The following KCNK2 variants were observed in gnomAD, a reference collection of about 807,000 sequenced individuals.
KCNK2 encodes potassium channel subfamily K member 2.
KCNK2 carries 21 observed loss-of-function variants against 40.5 expected under a neutral mutation model. That is an observed-to-expected ratio of 0.52 (90% CI 0.37 to 0.75). KCNK2 has a LOEUF of 0.75. Among genes scored for constraint, KCNK2 ranks in the 30% least tolerant of loss-of-function variants. The probability of loss-of-function intolerance (pLI) is 0.00; values close to 1 mark genes in which losing one functional copy is unlikely to be tolerated. For missense variants in KCNK2, 399 were observed against 531.6 expected (o/e 0.75, Z 2.45); for synonymous variants, 191 against 202.2 (o/e 0.94, Z 0.47).
chr1:215,172,203 C>G lies in KCNK2; in HGVS notation c.823+20C>G. Reference sequence around the variant, plus strand: ...TTGCAGGTAAGCTTTTCCTGGCATCCATGTTACTCTTCTAACAGGGGTTTA... The same window carrying G: ...TTGCAGGTAAGCTTTTCCTGGCATCGATGTTACTCTTCTAACAGGGGTTTA... On this transcript the variant is annotated intron_variant, in intron 5 of 6. Transcript: ENST00000444842. The G allele has an allele frequency of 6.3e-7, 1 of 1,596,964 alleles. No homozygotes were observed. The highest frequency in any genetic ancestry group is 8.6e-7 in the Non-Finnish European group (1 of 1,168,240).
intron 1 of KCNK2, among the ~76,000 whole-genome samples, chr1:215,047,530 A>T (rs1657818625): frequency 6.6e-6 from 1 of 152,088 alleles, no homozygotes; most frequent in Non-Finnish European, 1.5e-5. Context: ...AATCTTAATC[A>T]TAACTTCATG....
At chr1:215,039,070 T>C (rs1490768677) in intron 1 of KCNK2, among the ~76,000 whole-genome samples, 1 of 152,108 alleles carries the variant, frequency 6.6e-6, no homozygotes, top group African/African-American at 2.4e-5. Flanking sequence ...CTACTATTTG[T>C]ACCTGAAAGA....
At chr1:215,044,878 T>G (rs1446362440) in intron 1 of KCNK2, among the ~76,000 whole-genome samples, 1 of 151,136 alleles carries the variant, frequency 6.6e-6, no homozygotes, top group Non-Finnish European at 1.5e-5. Flanking sequence ...CTTAAAAGAT[T>G]AACAGAGTTA....
intron 6 of KCNK2, 66 bp downstream of exon 6, chr1:215,195,158 T>C (rs1056233371): frequency 3.3e-6 from 4 of 1,224,578 alleles, no homozygotes; most frequent in Admixed American, 2.5e-5. Context: ...TTTTAAATTA[T>C]TTTTATGTTT....
chr1:215,188,772 G>A (rs1303590368), intron 5 of KCNK2, among the ~76,000 whole-genome samples: 1 of 152,156 alleles, frequency 6.6e-6, no homozygotes, highest in East Asian at 1.9e-4. Context: ...ACCTGATAAA[G>A]AGTGAGATCT....
At position 215,234,879 on chromosome 1, in the gene KCNK2, G is replaced by T. The variant is rs369548068; in HGVS notation, c.1015G>T (p.Glu339Ter). The T allele has an allele frequency of 6.2e-7, 1 of 1,614,060 alleles. No individual in the cohort carries two copies. Among genetic ancestry groups the T allele is most frequent in the Non-Finnish European group, 8.5e-7 (1 of 1,179,990 alleles). The change falls in exon 7 of 7, where the codon GAA (glutamate) becomes TAA (stop). Residue 339 changes from glutamate to a stop codon, truncating the protein, a stop_gained. Coordinates refer to ENST00000444842, the MANE Select transcript of KCNK2 (RefSeq NM_001017425.3). LOFTEE classifies it high-confidence loss of function. Reference sequence around the variant, plus strand: ...TGAGTGGACAGCCAACGTCACAGCCGAATTCAAAGAAACCAGGAGGCGACT... The same window carrying T: ...TGAGTGGACAGCCAACGTCACAGCCTAATTCAAAGAAACCAGGAGGCGACT... ...AAEWTANVTA[E>*]FKETRRRLSV...
intron 3 of KCNK2, among the ~76,000 whole-genome samples, chr1:215,137,003 A>G (rs1043477250): frequency 1.3e-5 from 2 of 152,178 alleles, no homozygotes; most frequent in Non-Finnish European, 1.5e-5. Context: ...AATTTTTTCC[A>G]TGTAATATTG....
chr1:215,077,213 AAC>A (rs1434347947), intron 1 of KCNK2, among the ~76,000 whole-genome samples: 6 of 152,334 alleles, frequency 3.9e-5, no homozygotes, highest in Middle Eastern at 3.4e-3. Context: ...TCTCATATAA[AAC>A]ACAACAGGTA....
chr1:215,165,575 CTAACA>C (rs1316075371), intron 3 of KCNK2, among the ~76,000 whole-genome samples: 2 of 152,048 alleles, frequency 1.3e-5, no homozygotes, highest in Non-Finnish European at 2.9e-5. Flanking sequence ...ATTATCATAC[CTAACA>C]TATATTGAGC....
intron 6 of KCNK2, among the ~76,000 whole-genome samples, chr1:215,199,865 G>A (rs955716491): frequency 6.6e-6 from 1 of 152,118 alleles, no homozygotes; most frequent in Non-Finnish European, 1.5e-5. Flanking sequence ...CTACACACAG[G>A]CATACCTCAG....
chr1:215,159,532 T>A (rs940935671), intron 3 of KCNK2, among the ~76,000 whole-genome samples: 1 of 152,166 alleles, frequency 6.6e-6, no homozygotes, highest in Non-Finnish European at 1.5e-5. Context: ...AATAGAAAAG[T>A]ACATTTTTAA....
chr1:215,227,966 AAGTT>A (rs1666460149), intron 6 of KCNK2, among the ~76,000 whole-genome samples: 1 of 151,352 alleles, frequency 6.6e-6, no homozygotes, highest in Non-Finnish European at 1.5e-5. Flanking sequence ...TAAAAAAAAA[AAGTT>A]AAAGAAGTTA....
intron 6 of KCNK2, among the ~76,000 whole-genome samples, chr1:215,229,880 A>G (rs1483530551): frequency 6.6e-6 from 1 of 151,716 alleles, no homozygotes; most frequent in Admixed American, 6.6e-5. Context: ...CACTCCTCTA[A>G]AAGATGTTTA....
chr1:215,179,092 G>C (rs947743399), intron 5 of KCNK2, among the ~76,000 whole-genome samples: 2 of 151,856 alleles, frequency 1.3e-5, no homozygotes, highest in African/African-American at 4.8e-5. Context: ...GAGATTGTGT[G>C]TTTATGGGAA....
At chr1:215,039,995 C>T (rs1410312254) in intron 1 of KCNK2, among the ~76,000 whole-genome samples, 5 of 152,066 alleles carry the variant, frequency 3.3e-5, no homozygotes, top group African/African-American at 1.2e-4. Flanking sequence ...GAATGCCATT[C>T]TTTGGACATT....
In KCNK2 at chr1:215,141,324, G is replaced by A. The variant is rs138535305; in HGVS notation, c.475+16574G>A. Among the ~76,000 whole-genome samples, 643 of 152,116 alleles carry A rather than the reference G, an allele frequency of 4.2e-3. 1 individual carries two copies. Among genetic ancestry groups the A allele is most frequent in the South Asian group, 0.018 (88 of 4,818 alleles). Reference sequence around the variant, plus strand: ...TTTTATGTACTGTACATAATTGTACGTGCTGTACTTTTATATAATGAGAAG... The same window carrying A: ...TTTTATGTACTGTACATAATTGTACATGCTGTACTTTTATATAATGAGAAG... On this transcript the variant is annotated intron_variant, in intron 3 of 6. Coordinates refer to ENST00000444842, the MANE Select transcript of KCNK2 (RefSeq NM_001017425.3).
At chr1:215,123,178 C>G (rs1219682933) in intron 2 of KCNK2, among the ~76,000 whole-genome samples, 2 of 151,546 alleles carry the variant, frequency 1.3e-5, no homozygotes, top group Admixed American at 6.6e-5. Flanking sequence ...AATTTTAGAA[C>G]AACATATATA....
chr1:215,061,365 G>A (rs1006250991), intron 1 of KCNK2, among the ~76,000 whole-genome samples: 1 of 152,036 alleles, frequency 6.6e-6, no homozygotes, highest in Non-Finnish European at 1.5e-5. Context: ...TTAGTTAGAA[G>A]TGTGAGTTTA....
intron 3 of KCNK2, among the ~76,000 whole-genome samples, chr1:215,158,074 C>A (rs1299122501): frequency 6.6e-6 from 1 of 152,134 alleles, no homozygotes; most frequent in Admixed American, 6.5e-5. Flanking sequence ...TCCTCCAAGA[C>A]ACAGATTCAG....
Sources: gnomAD v4.1 joint callset for allele counts (sites outside exome capture counted in the v4.1 genomes callset) on GRCh38, gnomAD v4.1.1 for gene constraint, MANE v1.5 for transcripts, NCBI Gene and HGNC (gene_info 2026-07-23, HGNC 2026-07-21) for gene names.